SCML4: variants seen among roughly 807,000 people sequenced by gnomAD.
SCML4 encodes Scm polycomb group protein like 4.
Under a neutral mutation model 41.1 loss-of-function variants are expected in SCML4, and 34 were observed. The observed-to-expected ratio is 0.83, with a 90% CI of 0.63 to 1.10. The LOEUF is 1.10. SCML4 is among the 50% of genes least tolerant of loss of function. The probability of loss-of-function intolerance (pLI) is 0.00; values close to 1 mark genes in which losing one functional copy is unlikely to be tolerated. For missense variants in SCML4, 522 were observed against 534.1 expected (o/e 0.98, Z 0.22); for synonymous variants, 214 against 220.9 (o/e 0.97, Z 0.28).
At chr6:107,817,410 A>T (rs1224417589) in intron 1 of SCML4, among the ~76,000 whole-genome samples, 2 of 152,114 alleles carry the variant, frequency 1.3e-5, no homozygotes, top group Non-Finnish European at 2.9e-5. Flanking sequence ...TAACGTCAGG[A>T]GCTTGAGACC....
rs775436252 is a variant in SCML4, at chr6:107,746,859, G to A, written c.317C>T (p.Ala106Val). Reference protein sequence around the residue: ...VCLYINKQANAGPYLERKKVQ... With the variant: ...VCLYINKQANVGPYLERKKVQ... ...CTTCTTCCTCTCCAGATAGGGCCCC[G>A]CATTGGCCTGCTTGTTGATGTAGAG... The change falls in exon 4 of 8, where the codon GCG (alanine) becomes GTG (valine). Residue 106 changes from alanine to valine, a missense_variant. By Grantham distance (64) the Ala-to-Val change is moderately conservative. Transcript: ENST00000369020. 1.2e-6 allele frequency: 2 copies of A among 1,613,608 alleles called. No homozygotes were observed. The highest frequency in any genetic ancestry group is 2.2e-5 in the East Asian group (1 of 44,874).
At position 107,702,358 on chromosome 6, in the gene SCML4, C is replaced by T. The variant is rs1466633482; in HGVS notation, c.*2842G>A. Among the ~76,000 whole-genome samples the T allele has an allele frequency of 2.0e-5, 3 of 152,212 alleles. No individual in the cohort carries two copies. Among genetic ancestry groups the T allele is most frequent in the African/African-American group, 4.8e-5 (2 of 41,446 alleles). On this transcript the variant is annotated 3_prime_UTR_variant, in exon 8 of 8. Coordinates refer to ENST00000369020, the MANE Select transcript of SCML4 (RefSeq NM_198081.5). Reference sequence around the variant, plus strand: ...GAACATATCTCTCGCCTGAAAACTACTCAAGGGATCTCTTTGACATTGTTT... The same window carrying T: ...GAACATATCTCTCGCCTGAAAACTATTCAAGGGATCTCTTTGACATTGTTT...
At chr6:107,791,817 G>C (rs1782353009) in intron 1 of SCML4, among the ~76,000 whole-genome samples, 1 of 152,014 alleles carries the variant, frequency 6.6e-6, no homozygotes, top group Non-Finnish European at 1.5e-5. Context: ...AGCTGAGCGT[G>C]GTGGCTCGTG....
intron 5 of SCML4, among the ~76,000 whole-genome samples, chr6:107,727,208 C>A (rs1157284471): frequency 6.6e-6 from 1 of 151,800 alleles, no homozygotes; most frequent in Non-Finnish European, 1.5e-5. Context: ...AAAGGCAAAT[C>A]TATACAGACA....
intron 1 of SCML4, among the ~76,000 whole-genome samples, chr6:107,803,378 TGGGGG>T (rs1783420902): frequency 1.4e-5 from 2 of 146,040 alleles, no homozygotes; most frequent in East Asian, 2.1e-4. Context: ...GGGAGGGAGG[TGGGGG>T]TCAGCCCCTC....
chr6:107,740,254 A>T, intron 5 of SCML4: 2 of 433,808 alleles, frequency 4.6e-6, no homozygotes, highest in South Asian at 3.4e-5. Context: ...TGAGACCACC[A>T]TGCGGGTCTT....
intron 1 of SCML4, among the ~76,000 whole-genome samples, chr6:107,781,604 C>T (rs1460105723): frequency 1.3e-5 from 2 of 151,072 alleles, no homozygotes; most frequent in African/African-American, 4.9e-5. Flanking sequence ...TGTGATTGTG[C>T]TGCTGCTGTA....
rs913265647 is a variant in SCML4 at position 107,716,635 on chromosome 6, G to A, written c.973+4068C>T. Among the ~76,000 whole-genome samples the A allele has an allele frequency of 2.0e-5, 3 of 152,164 alleles. No individual in the cohort carries two copies. In the Middle Eastern group the frequency reaches 0.01, roughly 518 times the overall value. ...CTAGGATAGAGTAAGAACTATAGAT[G>A]AGGAAACAAAGTGCCATGGGAGGAA... On this transcript the variant is annotated intron_variant, in intron 6 of 7. Transcript: ENST00000369020.
At chr6:107,721,883 G>C (rs1231491196) in intron 5 of SCML4, among the ~76,000 whole-genome samples, 1 of 152,214 alleles carries the variant, frequency 6.6e-6, no homozygotes, top group Middle Eastern at 3.4e-3. Context: ...CTTCACAGGA[G>C]AGCTAAAGAG....
At chr6:107,733,825 G>A (rs375922397) in intron 5 of SCML4, among the ~76,000 whole-genome samples, 61 of 152,310 alleles carry the variant, frequency 4.0e-4, no homozygotes, top group East Asian at 1.9e-3. Flanking sequence ...CCCATCTCCC[G>A]GACCTACTCT....
chr6:107,739,602 T>A (rs950846840), intron 5 of SCML4, among the ~76,000 whole-genome samples: 3 of 151,970 alleles, frequency 2.0e-5, no homozygotes, highest in Non-Finnish European at 4.4e-5. Context: ...GACCTTACAA[T>A]CCTGTTCGGG....
chr6:107,807,592 C>T (rs118040814), intron 1 of SCML4, among the ~76,000 whole-genome samples: 41 of 152,332 alleles, frequency 2.7e-4, no homozygotes, highest in East Asian at 1.5e-3. Context: ...ATTAACAAAA[C>T]GCTGGGTCAG....
chr6:107,715,050 G>A (rs1739859), intron 6 of SCML4, among the ~76,000 whole-genome samples: 110,632 of 147,656 alleles, frequency 0.75, 41,666 homozygotes, highest in Admixed American at 0.81. Flanking sequence ...TCTCGGCTCA[G>A]TGCAACCTCC....
At chr6:107,844,612 T>C in the SCML4 span, among the ~76,000 whole-genome samples, 1 of 152,026 alleles carries the variant, frequency 6.6e-6, no homozygotes, top group African/African-American at 2.4e-5. Context: ...GGCAGGAGGA[T>C]CACTTGAGGC....
chr6:107,789,588 A>G (rs747560743), intron 1 of SCML4, among the ~76,000 whole-genome samples: 1 of 152,248 alleles, frequency 6.6e-6, no homozygotes, highest in Non-Finnish European at 1.5e-5. Context: ...AACAGCCACC[A>G]CACACACTTA....
chr6:107,803,871 C>T (rs1180871135), intron 1 of SCML4, among the ~76,000 whole-genome samples: 1 of 151,226 alleles, frequency 6.6e-6, no homozygotes, highest in Non-Finnish European at 1.5e-5. Flanking sequence ...TAAGAGTCAT[C>T]ACCACTCCCT....
chr6:107,726,214 T>G (rs1026322143), intron 5 of SCML4, among the ~76,000 whole-genome samples: 6 of 151,700 alleles, frequency 4.0e-5, no homozygotes, highest in East Asian at 1.9e-4. Flanking sequence ...AACCAACCTG[T>G]GTAAGGGACT....
intron 1 of SCML4, among the ~76,000 whole-genome samples, chr6:107,773,259 A>G (rs748273131): frequency 5.3e-5 from 8 of 152,180 alleles, no homozygotes; most frequent in Non-Finnish European, 1.2e-4. Flanking sequence ...TACCACACAC[A>G]CTACAATAAT....
At chr6:107,834,102 G>T in the SCML4 span, among the ~76,000 whole-genome samples, 1 of 152,176 alleles carries the variant, frequency 6.6e-6, no homozygotes, top group East Asian at 1.9e-4. Context: ...AACTGACCTG[G>T]CAGACCGAAG....
Sources: gnomAD v4.1 joint callset for allele counts (sites outside exome capture counted in the v4.1 genomes callset) on GRCh38, gnomAD v4.1.1 for gene constraint, MANE v1.5 for transcripts, NCBI Gene and HGNC (gene_info 2026-07-23, HGNC 2026-07-21) for gene names.